The following SLC49A4 variants were observed in gnomAD, a reference collection of about 807,000 sequenced individuals.
The protein encoded by SLC49A4 is disrupted in renal cancer protein 2.
A neutral mutation model predicts 50.6 loss-of-function variants in SLC49A4; 36 were observed. The ratio of observed to expected loss-of-function variants is 0.71; its 90% confidence interval spans 0.55 to 0.94. The LOEUF is 0.94. Ranked by LOEUF, SLC49A4 falls within the 40% of genes least tolerant of loss-of-function variation. The pLI is 0.00. For synonymous variants in SLC49A4, 248 were observed against 241.2 expected, an observed-to-expected ratio of 1.03 and a Z score of -0.26; for missense variants, 503 against 605.7, an observed-to-expected ratio of 0.83 and a Z score of 1.78.
intron 4 of SLC49A4, among the ~76,000 whole-genome samples, chr3:122,838,475 A>C (rs948865904): frequency 6.8e-6 from 1 of 148,056 alleles, no homozygotes; most frequent in Non-Finnish European, 1.5e-5. Context: ...CAAACACCGC[A>C]TGTTCTCACT....
At chr3:122,879,175 A>G in intron 8 of SLC49A4, 88 bp from the exon 9 acceptor site, 1 of 922,160 alleles carries the variant, frequency 1.1e-6, no homozygotes, top group Non-Finnish European at 1.7e-6. Flanking sequence ...AGTACTTTTT[A>G]ATGCAGAGCA....
intron 5 of SLC49A4, among the ~76,000 whole-genome samples, chr3:122,851,748 C>A (rs1008216454): frequency 1.3e-5 from 2 of 151,964 alleles, no homozygotes; most frequent in African/African-American, 4.8e-5. Flanking sequence ...TCTCTAATTT[C>A]TTTTGGGTAT....
intron 2 of SLC49A4, among the ~76,000 whole-genome samples, chr3:122,813,219 C>T (rs1051204975): frequency 7.8e-5 from 11 of 141,684 alleles, no homozygotes; most frequent in African/African-American, 2.1e-4. Context: ...CTACCCTGGG[C>T]GATAGAGCGA....
At chr3:122,802,752 ATGTC>A (rs1197936350) in intron 1 of SLC49A4, among the ~76,000 whole-genome samples, 43 of 152,214 alleles carry the variant, frequency 2.8e-4, no homozygotes, top group African/African-American at 8.7e-4. Flanking sequence ...AATATAATCA[ATGTC>A]TGAGATGAAA....
rs1177849592 is a variant in SLC49A4 at position 122,841,685 on chromosome 3, CTTTGGTTT to C, written c.834-4077_834-4070del. ...ATGCTATGTAATATTGTTTTCCAAA[CTTTGGTTT>C]ACAGCCAACTAATTCAGTGAGGTGA... On this transcript the variant is annotated intron_variant, in intron 4 of 8. Transcript: ENST00000261038. Among the ~76,000 whole-genome samples the C allele has an allele frequency of 5.9e-5, 9 of 152,324 alleles. No individual in the cohort carries two copies. In the South Asian group the frequency reaches 8.3e-4, roughly 14 times the overall value.
chr3:122,830,329 A>T (rs909911584), intron 3 of SLC49A4, among the ~76,000 whole-genome samples: 2 of 152,226 alleles, frequency 1.3e-5, no homozygotes, highest in African/African-American at 2.4e-5. Flanking sequence ...TGAAATTTAC[A>T]TGGAAATGCA....
rs541009220 is a variant in SLC49A4 at position 122,828,903 on chromosome 3, G to A, written c.703+1838G>A. On this transcript the variant is annotated intron_variant, in intron 3 of 8. Transcript: ENST00000261038. Reference sequence around the variant, plus strand: ...TATTTTTTACATGATGTTAAGCACTGTTAAGCATATATTAATGCAGTACAT... The same window carrying A: ...TATTTTTTACATGATGTTAAGCACTATTAAGCATATATTAATGCAGTACAT... Among the ~76,000 whole-genome samples, 7 of 152,236 alleles carry A rather than the reference G, an allele frequency of 4.6e-5. No individual in the cohort carries two copies. The South Asian group carries it at 1.5e-3, about 32-fold the overall frequency.
At chr3:122,805,918 A>T (rs1560193663) in intron 1 of SLC49A4, among the ~76,000 whole-genome samples, 1 of 152,076 alleles carries the variant, frequency 6.6e-6, no homozygotes, top group African/African-American at 2.4e-5. Context: ...CTAAGCCGTG[A>T]TTTTTTTTAA....
intron 1 of SLC49A4, among the ~76,000 whole-genome samples, chr3:122,804,036 C>A (rs1936173869): frequency 1.3e-5 from 2 of 152,116 alleles, no homozygotes; most frequent in Admixed American, 6.6e-5. Context: ...TAAAGAAATA[C>A]CTGAGGCTGG....
intron 7 of SLC49A4, among the ~76,000 whole-genome samples, chr3:122,872,033 T>C (rs996205000): frequency 6.6e-6 from 1 of 152,196 alleles, no homozygotes; most frequent in African/African-American, 2.4e-5. Flanking sequence ...TTCAGTAACA[T>C]TTAATGTTTC....
chr3:122,831,410 G>T (rs1299273023), intron 3 of SLC49A4, among the ~76,000 whole-genome samples: 1 of 152,056 alleles, frequency 6.6e-6, no homozygotes, highest in African/African-American at 2.4e-5. Context: ...TGATATATCT[G>T]TGCAATGGAA....
intron 2 of SLC49A4, among the ~76,000 whole-genome samples, chr3:122,818,034 A>T (rs1456181411): frequency 6.6e-6 from 1 of 152,166 alleles, no homozygotes; most frequent in Non-Finnish European, 1.5e-5. Flanking sequence ...GTGTTCACAC[A>T]TTTTAACTTA....
rs747454608 is a variant in SLC49A4 at position 122,795,540 on chromosome 3, G to C, written c.343+5G>C. On this transcript the variant is annotated splice_donor_5th_base_variant and intron_variant, in intron 1 of 8. Transcript: ENST00000261038. Reference sequence around the variant, plus strand: ...TGTGGCTCCTGGACAAGAGAGGTGAGGGGTCGCGGAGCGCCAGCCCGCGCT... The same window carrying C: ...TGTGGCTCCTGGACAAGAGAGGTGACGGGTCGCGGAGCGCCAGCCCGCGCT... 3.9e-5 allele frequency: 62 copies of C among 1,585,696 alleles called. No individual in the cohort carries two copies. Among genetic ancestry groups the C allele is most frequent in the Non-Finnish European group, 4.9e-5 (57 of 1,174,058 alleles).
At chr3:122,875,639 A>AC (rs1937256731) in intron 8 of SLC49A4, among the ~76,000 whole-genome samples, 1 of 152,108 alleles carries the variant, frequency 6.6e-6, no homozygotes, top group South Asian at 2.1e-4. Flanking sequence ...GGTGTGAGCC[A>AC]CCACACCCAG....
intron 5 of SLC49A4, among the ~76,000 whole-genome samples, chr3:122,846,336 G>A (rs1258760704): frequency 6.6e-6 from 1 of 152,010 alleles, no homozygotes; most frequent in East Asian, 1.9e-4. Context: ...AGATAGCATG[G>A]TAGAAAGGAG....
At chr3:122,855,686 G>A (rs1383753817) in intron 5 of SLC49A4, among the ~76,000 whole-genome samples, 1 of 152,188 alleles carries the variant, frequency 6.6e-6, no homozygotes, top group Non-Finnish European at 1.5e-5. Context: ...AACAGCTAAT[G>A]TTTATTGAGC....
rs1383997577 is a variant in SLC49A4 at position 122,860,138 on chromosome 3, A to G, written c.1074A>G (p.Thr358=). ...TTCTCCTCCTGTTTTCGGGAGCTAC[A>G]CTGTCATCCACGTGGTTCACCCTGA... ...LILLLLFSGA[T]LSSTWFTLTC... is the part of the protein sequence containing the mutation. The change falls in exon 7 of 9, where the codon ACA becomes ACG. Residue 358 remains threonine, a synonymous_variant. Transcript: ENST00000261038. 1.9e-6 allele frequency: 3 copies of G among 1,613,494 alleles called. No individual in the cohort carries two copies. Among genetic ancestry groups the G allele is most frequent in the Non-Finnish European group, 1.7e-6 (2 of 1,179,670 alleles).
chr3:122,806,840 T>C lies in SLC49A4; in HGVS notation c.344-17T>C. ...GGAGAAAATCAAGATAATTTCAATG[T>C]CTTTGTTTCATTTTAGGTCTCCGGA... On this transcript the variant is annotated splice_polypyrimidine_tract_variant and intron_variant, in intron 1 of 8. Coordinates refer to ENST00000261038, the MANE Select transcript of SLC49A4 (RefSeq NM_032839.3). The C allele has an allele frequency of 6.7e-7, 1 of 1,497,246 alleles. No individual in the cohort carries two copies. Among genetic ancestry groups the C allele is most frequent in the Non-Finnish European group, 9.3e-7 (1 of 1,075,576 alleles). The allele number at this position is 1,497,246 out of a possible 1,614,324, so 92.7% of individuals were successfully genotyped here.
At chr3:122,859,749 G>A (rs1394119409) in intron 6 of SLC49A4, among the ~76,000 whole-genome samples, 1 of 152,100 alleles carries the variant, frequency 6.6e-6, no homozygotes, top group Non-Finnish European at 1.5e-5. Context: ...GAGCCTGGGA[G>A]GTGAGGCTGC....
Sources: allele counts gnomAD v4.1 joint callset (sites outside exome capture counted in the v4.1 genomes callset), GRCh38; gene constraint gnomAD v4.1.1; transcripts MANE v1.5; gene names NCBI Gene and HGNC (gene_info 2026-07-23, HGNC 2026-07-21).